The following EFCAB6 variants were observed in gnomAD, a reference collection of about 807,000 sequenced individuals.
EFCAB6 encodes EF-hand calcium binding domain 6.
In EFCAB6, 156 loss-of-function variants were observed where a neutral mutation model predicts 169.8. The observed-to-expected ratio is 0.92, with a 90% CI of 0.81 to 1.05. EFCAB6 has a LOEUF of 1.05. Ranked by LOEUF, EFCAB6 falls within the 50% of genes least tolerant of loss-of-function variation. The pLI is 0.00. For missense variants in EFCAB6, 1,800 were observed against 1,829.1 expected (o/e 0.98, Z 0.29); for synonymous variants, 698 against 676.4 (o/e 1.03, Z -0.50).
chr22:43,793,343 A>G (rs117087928), intron 2 of EFCAB6, among the ~76,000 whole-genome samples: 1 of 152,334 alleles, frequency 6.6e-6, no homozygotes, highest in East Asian at 1.9e-4. Flanking sequence ...TGAGACTTCA[A>G]TTACAATATG....
intron 6 of EFCAB6, among the ~76,000 whole-genome samples, chr22:43,741,632 C>G (rs2060373966): frequency 1.3e-5 from 2 of 152,130 alleles, no homozygotes; most frequent in South Asian, 4.2e-4. Flanking sequence ...TGTTTGCTGC[C>G]CTATCTTCAG....
intron 2 of EFCAB6, among the ~76,000 whole-genome samples, chr22:43,804,595 CA>C (rs1182978288): frequency 6.6e-6 from 1 of 151,878 alleles, no homozygotes; most frequent in African/African-American, 2.4e-5. Context: ...CCCATTTCTA[CA>C]AAAACTTTTT....
intron 3 of EFCAB6, among the ~76,000 whole-genome samples, chr22:43,773,481 C>A (rs1443205029): frequency 1.3e-5 from 2 of 152,160 alleles, no homozygotes; most frequent in Non-Finnish European, 2.9e-5. Context: ...GAGGGAAAAA[C>A]ATGTAATTCT....
chr22:43,649,593 G>A (rs903640791), intron 17 of EFCAB6, among the ~76,000 whole-genome samples: 1 of 152,124 alleles, frequency 6.6e-6, no homozygotes, highest in African/African-American at 2.4e-5. Context: ...AAGAAAGATT[G>A]TTTAAAGAGG....
At chr22:43,658,817 T>C (rs1471911782) in intron 17 of EFCAB6, among the ~76,000 whole-genome samples, 1 of 152,130 alleles carries the variant, frequency 6.6e-6, no homozygotes, top group Non-Finnish European at 1.5e-5. Context: ...ACAAAGCTGG[T>C]CATCCCCTTA....
At chr22:43,646,707 A>C (rs2056181345) in intron 17 of EFCAB6, among the ~76,000 whole-genome samples, 1 of 152,250 alleles carries the variant, frequency 6.6e-6, no homozygotes. Context: ...TCTCTGATAA[A>C]ACAATGGGAA....
chr22:43,545,629 A>G (rs1044661356), intron 27 of EFCAB6, among the ~76,000 whole-genome samples: 9 of 152,176 alleles, frequency 5.9e-5, no homozygotes, highest in African/African-American at 2.2e-4. Flanking sequence ...AGATCCTGGC[A>G]TAATGAGCCA....
At chr22:43,681,412 GTTCTT>G (rs1407322837) in intron 12 of EFCAB6, among the ~76,000 whole-genome samples, 1 of 152,160 alleles carries the variant, frequency 6.6e-6, no homozygotes, top group Non-Finnish European at 1.5e-5. Context: ...TTGGCCTGTG[GTTCTT>G]TTCTTGTGAT....
At chr22:43,747,325 G>A (rs1487869536) in intron 6 of EFCAB6, among the ~76,000 whole-genome samples, 3 of 152,202 alleles carry the variant, frequency 2.0e-5, no homozygotes, top group African/African-American at 4.8e-5. Context: ...CTATACAGCA[G>A]CCTCCTCTGA....
intron 5 of EFCAB6, among the ~76,000 whole-genome samples, chr22:43,763,584 T>G (rs955233539): frequency 6.6e-6 from 1 of 152,188 alleles, no homozygotes; most frequent in African/African-American, 2.4e-5. Context: ...ACCAGAATTT[T>G]CTAATAATTC....
intron 6 of EFCAB6, among the ~76,000 whole-genome samples, chr22:43,750,565 A>T (rs1410884423): frequency 1.3e-5 from 2 of 152,244 alleles, no homozygotes; most frequent in Non-Finnish European, 2.9e-5. Flanking sequence ...TGATGAAAGT[A>T]GGATTAGGGG....
chr22:43,646,891 GA>G (rs1425311571), intron 17 of EFCAB6, among the ~76,000 whole-genome samples: 1 of 152,148 alleles, frequency 6.6e-6, no homozygotes, highest in Non-Finnish European at 1.5e-5. Context: ...AGAATCGTTG[GA>G]AATGTAATAT....
At chr22:43,596,881 T>C (rs914775914) in intron 23 of EFCAB6, among the ~76,000 whole-genome samples, 34 of 152,200 alleles carry the variant, frequency 2.2e-4, no homozygotes, top group African/African-American at 8.2e-4. Flanking sequence ...TAAAATAGCA[T>C]TGTACTGGCA....
intron 22 of EFCAB6, among the ~76,000 whole-genome samples, chr22:43,603,264 A>G (rs1025177714): frequency 6.6e-6 from 1 of 152,244 alleles, no homozygotes; most frequent in African/African-American, 2.4e-5. Context: ...CAACTAAAAT[A>G]TTGTTGTGAA....
chr22:43,578,714 C>G (rs1602382332), intron 25 of EFCAB6, among the ~76,000 whole-genome samples: 1 of 151,938 alleles, frequency 6.6e-6, no homozygotes, highest in African/African-American at 2.4e-5. Context: ...ATGCAGGCAT[C>G]ATTCCATACA....
chr22:43,575,204 G>GTTTA (rs1184938786), intron 26 of EFCAB6, among the ~76,000 whole-genome samples: 2 of 151,806 alleles, frequency 1.3e-5, no homozygotes, highest in Non-Finnish European at 2.9e-5. Context: ...TTGTTTGTTT[G>GTTTA]TTTTGAGACA....
intron 16 of EFCAB6, among the ~76,000 whole-genome samples, chr22:43,668,097 A>G (rs2057341842): frequency 6.6e-6 from 1 of 152,256 alleles, no homozygotes; most frequent in African/African-American, 2.4e-5. Context: ...CTCTTAAAAT[A>G]CCATCTTTAT....
chr22:43,640,741 T>C (rs2055741436), intron 17 of EFCAB6, among the ~76,000 whole-genome samples: 1 of 152,226 alleles, frequency 6.6e-6, no homozygotes, highest in South Asian at 2.1e-4. Flanking sequence ...AGTTTCATTT[T>C]CCAGGACCTT....
chr22:43,735,981 T>C lies in EFCAB6; in HGVS notation c.520A>G (p.Ile174Val), dbSNP rs772848375. The change falls in exon 7 of 32, where the codon ATT (isoleucine) becomes GTT (valine). Residue 174 changes from isoleucine (I) to valine (V), a missense_variant. By Grantham distance (29) the Ile-to-Val change is conservative. Coordinates refer to ENST00000262726, the MANE Select transcript of EFCAB6 (RefSeq NM_022785.4). ...IQVGEKVFKN[I>V]KTVMKAFELI... Reference sequence around the variant, plus strand: ...TCAAAGGCTTTCATAACAGTCTTAATGTTTTTGAAAACCTATGTACAAAAA... The same window carrying C: ...TCAAAGGCTTTCATAACAGTCTTAACGTTTTTGAAAACCTATGTACAAAAA... 1 of 1,611,704 alleles carries C rather than the reference T, an allele frequency of 6.2e-7. No homozygotes were observed. Among genetic ancestry groups the C allele is most frequent in the South Asian group, 1.1e-5 (1 of 90,138 alleles).
Sources: gnomAD v4.1 joint callset for allele counts (sites outside exome capture counted in the v4.1 genomes callset) on GRCh38, gnomAD v4.1.1 for gene constraint, MANE v1.5 for transcripts, NCBI Gene and HGNC (gene_info 2026-07-23, HGNC 2026-07-21) for gene names.